Variants in PHACTR3 observed in about 807,000 individuals in gnomAD.
The protein encoded by PHACTR3 is phosphatase and actin regulator 3, also known as protein phosphatase 1, regulatory subunit 123.
In PHACTR3, 16 loss-of-function variants were observed where a neutral mutation model predicts 66.8. The observed-to-expected ratio is 0.24, with a 90% CI of 0.16 to 0.36. PHACTR3 has a LOEUF of 0.36. Ranked by LOEUF, PHACTR3 falls within the 10% of genes least tolerant of loss-of-function variation. The pLI is 1.00. For missense variants in PHACTR3, 647 were observed against 719.9 expected, an observed-to-expected ratio of 0.90 and a Z score of 1.16; for synonymous variants, 323 against 292.1, an observed-to-expected ratio of 1.11 and a Z score of -1.08.
intron 1 of PHACTR3, among the ~76,000 whole-genome samples, chr20:59,625,925 C>A (rs2034432101): frequency 6.6e-6 from 1 of 152,076 alleles, no homozygotes; most frequent in Non-Finnish European, 1.5e-5. Flanking sequence ...CCGAATACCT[C>A]AGGGTTTGTG....
upstream of PHACTR3, chr20:59,604,439 C>T: frequency 4.4e-6 from 1 of 228,354 alleles, no homozygotes; most frequent in Non-Finnish European, 7.3e-6. Context: ...CCAGTGGCCA[C>T]GCGCCTTCTC....
chr20:59,681,082 G>A (rs2036626645), intron 1 of PHACTR3, among the ~76,000 whole-genome samples: 1 of 152,212 alleles, frequency 6.6e-6, no homozygotes, highest in Non-Finnish European at 1.5e-5. Flanking sequence ...TTTAAATAAA[G>A]TTTTATTAGA....
intron 11 of PHACTR3, 50 bp downstream of exon 11, chr20:59,841,585 C>T (rs2059061983): frequency 1.3e-6 from 2 of 1,560,086 alleles, no homozygotes; most frequent in Non-Finnish European, 8.7e-7. Flanking sequence ...ATAATAAAGG[C>T]AAAATATGTC....
intron 1 of PHACTR3, among the ~76,000 whole-genome samples, chr20:59,593,297 G>A (rs778596421): frequency 2.6e-5 from 4 of 152,192 alleles, no homozygotes; most frequent in Non-Finnish European, 2.9e-5. Flanking sequence ...GCATCTGTAG[G>A]TTATTTTGAT....
intron 5 of PHACTR3, among the ~76,000 whole-genome samples, chr20:59,769,507 G>A (rs1404552763): frequency 6.6e-6 from 1 of 152,222 alleles, no homozygotes; most frequent in African/African-American, 2.4e-5. Flanking sequence ...AACGCTGCCA[G>A]CATCTTGATT....
At position 59,836,492 on chromosome 20, in the gene PHACTR3, T is replaced by C; in HGVS notation, c.1329-13T>C. On this transcript the variant is annotated splice_polypyrimidine_tract_variant and intron_variant, in intron 8 of 12. Coordinates refer to ENST00000371015, the MANE Select transcript of PHACTR3 (RefSeq NM_080672.5). ...ACTATGGTGCAAAATGTAATTTTAG[T>C]GTTTTTCCGCAGACGGCTGAGCCAA... The C allele has an allele frequency of 1.9e-6, 3 of 1,606,386 alleles. No individual in the cohort carries two copies. The highest frequency in any genetic ancestry group is 2.3e-5 in the East Asian group (1 of 44,240).
chr20:59,579,929 T>C (rs1018105029), intron 1 of PHACTR3, among the ~76,000 whole-genome samples: 1 of 152,118 alleles, frequency 6.6e-6, no homozygotes, highest in African/African-American at 2.4e-5. Flanking sequence ...GCTTCTGCAG[T>C]GCATTCCTTC....
chr20:59,603,329 G>A (rs1274894488), upstream of PHACTR3, among the ~76,000 whole-genome samples: 6 of 152,094 alleles, frequency 3.9e-5, no homozygotes, highest in Admixed American at 3.9e-4. Context: ...GCACACACTC[G>A]ACTCTGCACA....
chr20:59,798,791 T>C (rs2041328043), intron 7 of PHACTR3, among the ~76,000 whole-genome samples: 1 of 152,084 alleles, frequency 6.6e-6, no homozygotes, highest in Non-Finnish European at 1.5e-5. Flanking sequence ...ATTTTCTTTA[T>C]TATTTTTTAA....
Position 59,841,460 on chromosome 20 carries a change from C to T in PHACTR3, c.1512C>T (p.Tyr504=), listed in dbSNP as rs1373651322. Residue 504 remains tyrosine (Y), a synonymous_variant, in exon 11 of 13, where the codon TAC becomes TAT. Transcript: ENST00000371015. ...AAATTCTGATACGATTCAGTGATTA[C>T]GTGGAAGTAGCAAAAGCGCAGGACT... ...DRKILIRFSD[Y]VEVAKAQDYD... The T allele has an allele frequency of 2.7e-5, 44 of 1,613,370 alleles. No homozygotes were observed. The East Asian group carries it at 6.0e-4, about 22-fold the overall frequency.
rs372560789 is a variant in PHACTR3, at chr20:59,764,475, C to T, written c.542-2711C>T. ...CACCATGGTTTCATGTTGGCCTTTC[C>T]ATACTTGTAGTGGGCAGGTTCGGGT... On this transcript the variant is annotated intron_variant, in intron 4 of 12. Coordinates refer to ENST00000371015, the MANE Select transcript of PHACTR3 (RefSeq NM_080672.5). Among the ~76,000 whole-genome samples the T allele has an allele frequency of 2.0e-5, 3 of 152,150 alleles. No individual in the cohort carries two copies. In the East Asian group the frequency reaches 5.8e-4, roughly 29 times the overall value.
chr20:59,830,881 CTG>C lies in PHACTR3; in HGVS notation c.1329-5621_1329-5620del, dbSNP rs2042348610. Among the ~76,000 whole-genome samples, 1 of 152,160 alleles carries C rather than the reference CTG, an allele frequency of 6.6e-6. No individual in the cohort carries two copies. Among genetic ancestry groups the C allele is most frequent in the African/African-American group, 2.4e-5 (1 of 41,426 alleles). Reference sequence around the variant, plus strand: ...GCCAGTGCTGGGGCACCAGTGCTGACTGTGGAATAGACAGTTGACAGCCTCCA... The same window carrying C: ...GCCAGTGCTGGGGCACCAGTGCTGACTGGAATAGACAGTTGACAGCCTCCA... On this transcript the variant is annotated intron_variant, in intron 8 of 12. Coordinates refer to ENST00000371015, the MANE Select transcript of PHACTR3 (RefSeq NM_080672.5). This position sits in a 1 kb window ranked among gnomAD's most constrained non-coding sequence, Gnocchi z 5.8.
intron 8 of PHACTR3, among the ~76,000 whole-genome samples, chr20:59,832,455 G>T (rs963182630): frequency 6.6e-6 from 1 of 152,158 alleles, no homozygotes; most frequent in African/African-American, 2.4e-5. Flanking sequence ...CACTTCAGGG[G>T]GCCCTCACAG....
chr20:59,615,873 C>G (rs146518655), intron 1 of PHACTR3, among the ~76,000 whole-genome samples: 1 of 152,304 alleles, frequency 6.6e-6, no homozygotes, highest in African/African-American at 2.4e-5. Context: ...TATGTAGATA[C>G]AGGAGAGGTG....
At chr20:59,705,435 A>G (rs1432090046) in intron 1 of PHACTR3, among the ~76,000 whole-genome samples, 2 of 152,200 alleles carry the variant, frequency 1.3e-5, no homozygotes, top group African/African-American at 2.4e-5. Context: ...CTAACACTAG[A>G]AAAAAATACT....
intron 8 of PHACTR3, among the ~76,000 whole-genome samples, chr20:59,834,703 G>C (rs934773308): frequency 1.3e-5 from 2 of 152,142 alleles, no homozygotes; most frequent in Non-Finnish European, 2.9e-5. Flanking sequence ...TCAGCGAAAT[G>C]TATCTCTGCC....
chr20:59,601,684 A>C (rs1192926792), upstream of PHACTR3, among the ~76,000 whole-genome samples: 1 of 152,234 alleles, frequency 6.6e-6, no homozygotes, highest in Non-Finnish European at 1.5e-5. Context: ...ATTATCTTCT[A>C]TTGGTCAGTA....
At chr20:59,775,767 G>A (rs915330098) in intron 7 of PHACTR3, among the ~76,000 whole-genome samples, 2 of 152,160 alleles carry the variant, frequency 1.3e-5, no homozygotes, top group Non-Finnish European at 2.9e-5. Context: ...AAACACCTGT[G>A]AGCCTCCAGC....
In PHACTR3 at chr20:59,767,083, C is replaced by T. The variant is rs957922532; in HGVS notation, c.542-103C>T. ...CTGTGTGAGGTCACTGCTCTGTATG[C>T]TCTTCACGATCCCATCCCACCAAAC... is the stretch of plus-strand genomic sequence containing the variant. On this transcript the variant is annotated intron_variant, in intron 4 of 12. Transcript: ENST00000371015. The T allele has an allele frequency of 3.6e-5, 41 of 1,134,974 alleles. No individual in the cohort carries two copies. In the African/African-American group the frequency reaches 5.4e-4, roughly 15 times the overall value. 70.3% of individuals were successfully genotyped at this position (1,134,974 alleles called of 1,614,324 possible).
Sources: gnomAD v4.1 joint callset for allele counts (sites outside exome capture counted in the v4.1 genomes callset) on GRCh38, gnomAD v4.1.1 for gene constraint, Gnocchi (gnomAD v3.1) non-coding constraint, MANE v1.5 for transcripts, NCBI Gene and HGNC (gene_info 2026-07-23, HGNC 2026-07-21) for gene names.